The following NRG2 variants were observed in gnomAD, a reference collection of about 807,000 sequenced individuals.
NRG2 encodes the protein pro-neuregulin-2, membrane-bound isoform.
NRG2 carries 27 observed loss-of-function variants against 73.9 expected under a neutral mutation model. The observed-to-expected ratio is 0.37, with a 90% CI of 0.27 to 0.50. NRG2 has a LOEUF of 0.50. NRG2 is among the 20% of genes least tolerant of loss of function. The probability of loss-of-function intolerance (pLI) is 0.96; values close to 1 mark genes in which losing one functional copy is unlikely to be tolerated. For missense variants in NRG2, 1,126 were observed against 1,210.1 expected, an observed-to-expected ratio of 0.93 and a Z score of 1.03; for synonymous variants, 532 against 541.0, an observed-to-expected ratio of 0.98 and a Z score of 0.23.
At chr5:139,985,682 T>C (rs145729975) in intron 1 of NRG2, among the ~76,000 whole-genome samples, 32 of 152,298 alleles carry the variant, frequency 2.1e-4, no homozygotes, top group Middle Eastern at 3.4e-3. Flanking sequence ...AAGCTAACCA[T>C]AGGTCCCAGG....
intron 1 of NRG2, among the ~76,000 whole-genome samples, chr5:139,966,251 G>T (rs1755506907): frequency 6.6e-6 from 1 of 152,148 alleles, no homozygotes; most frequent in Admixed American, 6.5e-5. Flanking sequence ...GTTCTTCAAG[G>T]AAGGCCCACC....
At chr5:140,020,862 G>C (rs938206188) in intron 1 of NRG2, among the ~76,000 whole-genome samples, 47 of 152,328 alleles carry the variant, frequency 3.1e-4, no homozygotes, top group African/African-American at 1.1e-3. Flanking sequence ...AAATTTCAGA[G>C]ATGTTCATGT....
At chr5:139,876,328 G>A (rs1763171916) in intron 3 of NRG2, among the ~76,000 whole-genome samples, 1 of 152,196 alleles carries the variant, frequency 6.6e-6, no homozygotes, top group African/African-American at 2.4e-5. Flanking sequence ...CGGGGCTGGA[G>A]AGGGGGAGAA....
chr5:139,896,627 A>G (rs1157511708), intron 1 of NRG2, among the ~76,000 whole-genome samples: 1 of 152,166 alleles, frequency 6.6e-6, no homozygotes, highest in Non-Finnish European at 1.5e-5. Flanking sequence ...CTTCTCTTCC[A>G]AGATTGCTCC....
chr5:139,857,424 T>G (rs1412104378), intron 5 of NRG2, among the ~76,000 whole-genome samples: 1 of 152,140 alleles, frequency 6.6e-6, no homozygotes, highest in Admixed American at 6.5e-5. Context: ...CTCTGTCCCA[T>G]CAGACATGGA....
rs374257296 is a variant in NRG2, at chr5:139,988,053, C to T, written c.700+54317G>A. Among the ~76,000 whole-genome samples, 105 of 152,248 alleles carry T rather than the reference C, an allele frequency of 6.9e-4. 1 individual carries two copies. Among genetic ancestry groups the T allele is most frequent in the Middle Eastern group, 6.8e-3 (2 of 294 alleles). The stretch of plus-strand genomic sequence containing the variant: ...CCTCCCAAAGTGCTGGGATTACAGG[C>T]GTGAGCCACCACGCCCAGCCTCTGC... On this transcript the variant is annotated intron_variant, in intron 1 of 9. Transcript: ENST00000361474.
intron 1 of NRG2, among the ~76,000 whole-genome samples, chr5:139,937,214 TAACA>T (rs1377601816): frequency 6.6e-5 from 10 of 152,314 alleles, no homozygotes; most frequent in Admixed American, 3.3e-4. Flanking sequence ...TTCACTCTAT[TAACA>T]AACAAACAAA....
intron 1 of NRG2, among the ~76,000 whole-genome samples, chr5:139,984,357 T>C (rs1301768700): frequency 6.6e-6 from 1 of 152,182 alleles, no homozygotes; most frequent in Non-Finnish European, 1.5e-5. Context: ...TATAGATAAA[T>C]GGTCACTATA....
At chr5:139,911,443 C>G (rs1750816337) in intron 1 of NRG2, among the ~76,000 whole-genome samples, 1 of 152,076 alleles carries the variant, frequency 6.6e-6, no homozygotes, top group Non-Finnish European at 1.5e-5. Flanking sequence ...CAGCTCTTCT[C>G]CCAGCCCCAT....
chr5:139,961,526 C>T (rs1755062904), intron 1 of NRG2, among the ~76,000 whole-genome samples: 1 of 152,236 alleles, frequency 6.6e-6, no homozygotes, highest in Non-Finnish European at 1.5e-5. Flanking sequence ...CCCTCTCCCA[C>T]CATCCCAGCG....
Position 139,870,279 on chromosome 5 carries a change from T to C in NRG2, c.1112+1442A>G, listed in dbSNP as rs1427045938. On this transcript the variant is annotated intron_variant, in intron 4 of 9. Transcript: ENST00000361474. The surrounding 1 kb of genome is among the most constrained non-coding windows in gnomAD (Gnocchi z 4.4). ...GAGGGGCTGAGTTTGGGTTGAGAACTTCCCTAGAGGGCCTGTTGTTGCTAC... is the reference window on the plus strand; with the variant it reads ...GAGGGGCTGAGTTTGGGTTGAGAACCTCCCTAGAGGGCCTGTTGTTGCTAC... Among the ~76,000 whole-genome samples, 1 of 152,126 alleles carries C rather than the reference T, an allele frequency of 6.6e-6. No individual in the cohort carries two copies. Among genetic ancestry groups the C allele is most frequent in the East Asian group, 1.9e-4 (1 of 5,200 alleles).
intron 1 of NRG2, among the ~76,000 whole-genome samples, chr5:140,033,553 G>GA (rs1486351879): frequency 1.3e-5 from 2 of 152,168 alleles, no homozygotes; most frequent in East Asian, 3.8e-4. Context: ...CACAGAATGA[G>GA]CATTCATATC....
At chr5:139,907,425 G>A (rs553342279) in intron 1 of NRG2, among the ~76,000 whole-genome samples, 2 of 152,254 alleles carry the variant, frequency 1.3e-5, no homozygotes, top group Admixed American at 1.3e-4. Flanking sequence ...AGCCCCTTTG[G>A]GATTGTGACC....
intron 9 of NRG2, among the ~76,000 whole-genome samples, chr5:139,850,687 G>C (rs2126996510): frequency 6.6e-6 from 1 of 152,368 alleles, no homozygotes; most frequent in East Asian, 1.9e-4. Flanking sequence ...CAAGGTGGCA[G>C]GGGTGCTGGC....
chr5:139,944,961 G>A (rs1753698778), intron 1 of NRG2, among the ~76,000 whole-genome samples: 1 of 152,168 alleles, frequency 6.6e-6, no homozygotes, highest in South Asian at 2.1e-4. Flanking sequence ...GGGGTGAGAT[G>A]ATACCTCATT....
At chr5:140,028,350 A>G (rs568522427) in intron 1 of NRG2, among the ~76,000 whole-genome samples, 59 of 152,366 alleles carry the variant, frequency 3.9e-4, no homozygotes, top group African/African-American at 1.2e-3. Context: ...AGAAAAAAAT[A>G]AAAATAGTCA....
rs1386665912 is a variant in NRG2 at position 139,887,465 on chromosome 5, C to G, written c.747G>C (p.Val249=). ...CACACTTCAGCGATTGCTTCTCACC[C>G]ACCTGTCCCGTCTGGCTCTTCATCT... ...LKKMKSQTGQ[V]GEKQSLKCEA... The change falls in exon 2 of 10, where the codon GTG becomes GTC. Residue 249 remains valine, a synonymous_variant. Transcript: ENST00000361474. This position sits in a 1 kb window ranked among gnomAD's most constrained non-coding sequence, Gnocchi z 4.5. 5.0e-6 allele frequency: 8 copies of G among 1,614,222 alleles called. 1 individual carries two copies. In the South Asian group the frequency reaches 8.8e-5, roughly 18 times the overall value.
At chr5:139,978,782 A>G (rs141666251) in intron 1 of NRG2, among the ~76,000 whole-genome samples, 1 of 152,270 alleles carries the variant, frequency 6.6e-6, no homozygotes, top group African/African-American at 2.4e-5. Context: ...ACAATATTGC[A>G]GCACTATGTT....
chr5:140,038,580 T>C (rs1410488836), intron 1 of NRG2, among the ~76,000 whole-genome samples: 2 of 152,224 alleles, frequency 1.3e-5, no homozygotes, highest in Non-Finnish European at 2.9e-5. Context: ...AGAGTTAAGA[T>C]TGTTTTAGTT....
Sources: gnomAD v4.1 joint callset for allele counts (sites outside exome capture counted in the v4.1 genomes callset) on GRCh38, gnomAD v4.1.1 for gene constraint, Gnocchi (gnomAD v3.1) non-coding constraint, MANE v1.5 for transcripts, NCBI Gene and HGNC (gene_info 2026-07-23, HGNC 2026-07-21) for gene names.